ZNF541: variants seen among roughly 807,000 people sequenced by gnomAD.
ZNF541 encodes the protein zinc finger protein 541.
In ZNF541, 23 loss-of-function variants were observed where a neutral mutation model predicts 123.5. The ratio of observed to expected loss-of-function variants is 0.19; its 90% CI spans 0.13 to 0.26. The LOEUF is 0.26. Ranked by LOEUF, ZNF541 falls within the 10% of genes least tolerant of loss-of-function variation. The pLI, the probability that ZNF541 is intolerant of heterozygous loss-of-function variation, is 1.00. For missense variants in ZNF541, 1,612 were observed against 1,789.9 expected (o/e 0.90, Z 1.79); for synonymous variants, 751 against 754.5 (o/e 1.00, Z 0.08).
At position 47,544,450 on chromosome 19, in the gene ZNF541, G is replaced by A. The variant is rs776910248; in HGVS notation, c.2079C>T (p.Phe693=). 4 of 1,551,690 alleles carry A rather than the reference G, an allele frequency of 2.6e-6. No homozygotes were observed. The Middle Eastern group carries it at 5.0e-4, about 194-fold the overall frequency. Residue 693 remains phenylalanine (F), a synonymous_variant, in exon 5 of 17, where the codon TTC becomes TTT. Transcript: ENST00000391901. ...SKGTLDLEDI[F]PSTGQRQTQL... is the part of the protein sequence containing the mutation. ...GGGTCTGCCGTTGGCCTGTGGAGGG[G>A]AAGATGTCCTCCAGGTCCAAGGTCC...
intron 2 of ZNF541, among the ~76,000 whole-genome samples, chr19:47,567,551 C>T (rs566378943): frequency 1.1e-4 from 16 of 152,362 alleles, no homozygotes; most frequent in Non-Finnish European, 2.4e-4. Context: ...TGCGCCACCG[C>T]GCCTGGCCAG....
At position 47,555,545 on chromosome 19, in the gene ZNF541, C is replaced by T. The variant is rs1426825306; in HGVS notation, c.307+5G>A. On this transcript the variant is annotated splice_donor_5th_base_variant and intron_variant, in intron 3 of 16. Coordinates refer to ENST00000391901, the MANE Select transcript of ZNF541 (RefSeq NM_001277075.3). ...AGGGCCCTTCTACCCAGGTGACAGC[C>T]TCACCTTGTAAGGATGCCTGAGACT... is the stretch of plus-strand genomic sequence containing the variant. The T allele has an allele frequency of 2.0e-6, 3 of 1,531,002 alleles. No homozygotes were observed. The highest frequency in any genetic ancestry group is 4.0e-5 in the Admixed American group (2 of 50,012). The allele number at this position is 1,531,002 out of a possible 1,614,324, so 94.8% of individuals were successfully genotyped here. A position where few individuals can be genotyped will look rare whatever the true frequency, so the allele number is the denominator to read the frequency against.
At chr19:47,570,777 T>C (rs2123448658) in intron 2 of ZNF541, among the ~76,000 whole-genome samples, 1 of 149,666 alleles carries the variant, frequency 6.7e-6, no homozygotes, top group South Asian at 2.1e-4. Flanking sequence ...TGCAAAGGGG[T>C]CTTAAGAGCA....
At chr19:47,567,555 T>C (rs2914000) in intron 2 of ZNF541, among the ~76,000 whole-genome samples, 56,142 of 152,264 alleles carry the variant, frequency 0.37, 15,488 homozygotes, top group African/African-American at 0.78. Context: ...CCACCGCGCC[T>C]GGCCAGTTAA....
intron 2 of ZNF541, among the ~76,000 whole-genome samples, chr19:47,560,658 T>C (rs559136164): frequency 6.6e-6 from 1 of 152,064 alleles, no homozygotes; most frequent in South Asian, 2.1e-4. Flanking sequence ...ATTTGATGAT[T>C]GTAATATATA....
intron 2 of ZNF541, among the ~76,000 whole-genome samples, chr19:47,559,697 A>G (rs964984637): frequency 2.0e-5 from 3 of 152,024 alleles, no homozygotes; most frequent in Non-Finnish European, 2.9e-5. Context: ...TGAAAATATA[A>G]AAGTTAGCTG....
intron 9 of ZNF541, among the ~76,000 whole-genome samples, chr19:47,535,409 C>T (rs1252147567): frequency 6.6e-6 from 1 of 152,180 alleles, no homozygotes; most frequent in Non-Finnish European, 1.5e-5. Flanking sequence ...GACCACTTTA[C>T]ACCTACTAGG....
chr19:47,535,687 T>C lies in ZNF541; in HGVS notation c.3094+2455A>G, dbSNP rs114804148. On this transcript the variant is annotated intron_variant, in intron 9 of 16. Transcript: ENST00000391901. ...GGCTCAGGCCTCTAATCCCAGCACT[T>C]TGGAAGGCCAATGCAGGAGGACTGT... Among the ~76,000 whole-genome samples the C allele has an allele frequency of 4.7e-3, 717 of 151,922 alleles. 7 individuals carry two copies. The highest frequency in any genetic ancestry group is 0.017 in the African/African-American group (692 of 41,456).
At chr19:47,548,442 CAAAA>C (rs574466068) in intron 4 of ZNF541, among the ~76,000 whole-genome samples, 1,108 of 60,368 alleles carry the variant, frequency 0.018, 23 homozygotes, top group African/African-American at 0.043. Context: ...GACTCCATCT[CAAAA>C]AAAAAAAAAA....
At chr19:47,546,708 T>C (rs1238377153) in intron 4 of ZNF541, among the ~76,000 whole-genome samples, 2 of 152,202 alleles carry the variant, frequency 1.3e-5, no homozygotes, top group East Asian at 3.9e-4. Context: ...CGATGCACAG[T>C]AGCAAATTTA....
chr19:47,572,720 G>A (rs1568530881), intron 1 of ZNF541, among the ~76,000 whole-genome samples: 2 of 151,332 alleles, frequency 1.3e-5, no homozygotes. Flanking sequence ...GTCGGGTAGG[G>A]CCCGCGGCGC....
chr19:47,561,779 T>A (rs924574625), intron 2 of ZNF541, among the ~76,000 whole-genome samples: 1 of 151,996 alleles, frequency 6.6e-6, no homozygotes, highest in Non-Finnish European at 1.5e-5. Flanking sequence ...ACCACTAAAC[T>A]AACAGAACAG....
Position 47,555,700 on chromosome 19 carries a change from C to T in ZNF541, c.157G>A (p.Asp53Asn). 3.2e-6 allele frequency: 5 copies of T among 1,551,750 alleles called. No individual in the cohort carries two copies. The highest frequency in any genetic ancestry group is 4.4e-6 in the Non-Finnish European group (5 of 1,147,018). Residue 53 changes from aspartate to asparagine, a missense_variant, in exon 3 of 17, where the codon GAC becomes AAC. Transcript: ENST00000391901. ...GGCGTTGGGAGGCTGGGGTCCGGGT[C>T]CAGACCACTCAGGCCAGCATAAAGA... is the stretch of plus-strand genomic sequence containing the variant. ...GFLYAGLSGLDPDPSLPTPDM... is the reference protein window; with the variant it reads ...GFLYAGLSGLNPDPSLPTPDM...
intron 3 of ZNF541, among the ~76,000 whole-genome samples, chr19:47,554,818 G>T (rs1384510793): frequency 6.6e-6 from 1 of 152,196 alleles, no homozygotes; most frequent in East Asian, 1.9e-4. Context: ...TGGGGGCCGA[G>T]TGTGGTGGCT....
intron 3 of ZNF541, among the ~76,000 whole-genome samples, chr19:47,554,056 C>A (rs1477134835): frequency 6.6e-6 from 1 of 152,084 alleles, no homozygotes; most frequent in African/African-American, 2.4e-5. Context: ...GCAAATACAC[C>A]AACTCTTACA....
intron 14 of ZNF541, among the ~76,000 whole-genome samples, chr19:47,527,921 A>G (rs899966899): frequency 3.4e-5 from 5 of 145,992 alleles, no homozygotes; most frequent in African/African-American, 1.3e-4. Context: ...CTGGTCTCGA[A>G]CTCCCAACCT....
Position 47,545,368 on chromosome 19 carries a change from G to A in ZNF541, c.1161C>T (p.Gly387=), listed in dbSNP as rs757347894. Residue 387 remains glycine (G), a synonymous_variant, in exon 5 of 17, where the codon GGC becomes GGT. Transcript: ENST00000391901. The surrounding 1 kb of genome is among the most constrained non-coding windows in gnomAD (Gnocchi z 7.5). ...ARSTAECWPE[G]GSVPACLPLF... is the part of the protein sequence containing the mutation. ...GAGGCAGGCAGGCAGGCACGGAGCCGCCTTCGGGCCAGCACTCCGCGGTGG... is the reference window on the plus strand; with the variant it reads ...GAGGCAGGCAGGCAGGCACGGAGCCACCTTCGGGCCAGCACTCCGCGGTGG... 2.4e-4 allele frequency: 369 copies of A among 1,537,464 alleles called. 1 individual carries two copies. The highest frequency in any genetic ancestry group is 8.4e-4 in the Middle Eastern group (5 of 5,934).
chr19:47,555,494 G>A, intron 3 of ZNF541, 56 bp downstream of exon 3: 1 of 1,462,494 alleles, frequency 6.8e-7, no homozygotes, highest in Non-Finnish European at 9.1e-7. Flanking sequence ...TCCCTAGCTG[G>A]CCACAGAAAC....
intron 5 of ZNF541, among the ~76,000 whole-genome samples, chr19:47,542,239 T>C (rs143443082): frequency 1.2e-3 from 176 of 151,532 alleles, no homozygotes; most frequent in Middle Eastern, 6.8e-3. Context: ...GAGGGCGAGA[T>C]TGTGGGTGAC....
Sources: gnomAD v4.1 joint callset for allele counts (sites outside exome capture counted in the v4.1 genomes callset) on GRCh38, gnomAD v4.1.1 for gene constraint, Gnocchi (gnomAD v3.1) non-coding constraint, MANE v1.5 for transcripts, NCBI Gene and HGNC (gene_info 2026-07-23, HGNC 2026-07-21) for gene names.